Variants in AUTS2 observed in about 807,000 individuals in gnomAD.
The protein encoded by AUTS2 is autism susceptibility gene 2 protein.
Under a neutral mutation model 112.4 loss-of-function variants are expected in AUTS2, and 17 were observed. That is an observed-to-expected ratio of 0.15 (90% confidence interval 0.10 to 0.23). The LOEUF (loss-of-function observed/expected upper bound fraction) is 0.23, where lower values mean the gene tolerates loss of function less well. Among genes scored for constraint, AUTS2 ranks in the 10% least tolerant of loss-of-function variants. AUTS2 has a pLI of 1.00. For missense variants in AUTS2, 1,510 were observed against 1,701.6 expected (o/e 0.89, Z 1.98); for synonymous variants, 751 against 702.7 (o/e 1.07, Z -1.09).
intron 5 of AUTS2, among the ~76,000 whole-genome samples, chr7:70,641,699 G>T (rs1805840433): frequency 6.6e-6 from 1 of 152,034 alleles, no homozygotes; most frequent in Admixed American, 6.6e-5. Flanking sequence ...CACTATCCTG[G>T]CCTGCTCCCC....
rs777021720 is a variant in AUTS2 at position 70,435,826 on chromosome 7, T to G, written c.690+45T>G. 9.4e-6 allele frequency: 15 copies of G among 1,597,220 alleles called. No homozygotes were observed. The South Asian group carries it at 1.2e-4, about 13-fold the overall frequency. On this transcript the variant is annotated intron_variant, in intron 5 of 18. Coordinates refer to ENST00000342771, the MANE Select transcript of AUTS2 (RefSeq NM_015570.4). ...ATTGTGGGCACAGCACATAACACACTGAACACCAGAGTCCTCCCACACACA... is the reference window on the plus strand; with the variant it reads ...ATTGTGGGCACAGCACATAACACACGGAACACCAGAGTCCTCCCACACACA...
intron 5 of AUTS2, among the ~76,000 whole-genome samples, chr7:70,479,594 C>G (rs1265280357): frequency 6.6e-6 from 1 of 152,020 alleles, no homozygotes; most frequent in Non-Finnish European, 1.5e-5. Context: ...TTCCGTTCAC[C>G]AGCATGAATC....
At chr7:69,976,406 C>A (rs28864527) in intron 2 of AUTS2, among the ~76,000 whole-genome samples, 12,350 of 152,208 alleles carry the variant, frequency 0.081, 642 homozygotes, top group African/African-American at 0.14. Flanking sequence ...ATCCATTGGA[C>A]ATTTGAGTTG....
chr7:69,728,303 G>T (rs528476178), intron 1 of AUTS2, among the ~76,000 whole-genome samples: 5 of 152,278 alleles, frequency 3.3e-5, no homozygotes, highest in Middle Eastern at 3.4e-3. Context: ...CCCTAAACCT[G>T]CTGCAGTGCA....
chr7:69,643,064 A>C (rs896007641), intron 1 of AUTS2, among the ~76,000 whole-genome samples: 14 of 152,058 alleles, frequency 9.2e-5, no homozygotes, highest in African/African-American at 3.4e-4. Context: ...GGTGGAACTT[A>C]TTTCCTTGCA....
intron 1 of AUTS2, among the ~76,000 whole-genome samples, chr7:69,871,573 G>T (rs927068721): frequency 1.3e-5 from 2 of 152,170 alleles, no homozygotes; most frequent in Admixed American, 6.5e-5. Flanking sequence ...ATTAACCACA[G>T]TACTAAAAGC....
intron 1 of AUTS2, among the ~76,000 whole-genome samples, chr7:69,866,266 C>G (rs1793227686): frequency 6.6e-6 from 1 of 152,110 alleles, no homozygotes; most frequent in African/African-American, 2.4e-5. Flanking sequence ...TTAAGTAGTT[C>G]CCTCCCATAC....
At chr7:70,189,305 CTG>C (rs2129582541) in intron 4 of AUTS2, among the ~76,000 whole-genome samples, 1 of 152,258 alleles carries the variant, frequency 6.6e-6, no homozygotes, top group East Asian at 1.9e-4. Context: ...ACAGCAAGGA[CTG>C]TAGTTTTTTT....
intron 6 of AUTS2, among the ~76,000 whole-genome samples, chr7:70,731,673 C>G (rs550421042): frequency 2.2e-4 from 33 of 152,042 alleles, no homozygotes; most frequent in Middle Eastern, 3.4e-3. Flanking sequence ...TTGTGATCCA[C>G]CCACCTCGGC....
intron 4 of AUTS2, among the ~76,000 whole-genome samples, chr7:70,350,177 G>T (rs538227882): frequency 1.5e-4 from 23 of 152,312 alleles, no homozygotes; most frequent in African/African-American, 5.3e-4. Flanking sequence ...ATGAAGAGTG[G>T]ATGGAGTTAA....
chr7:70,465,932 C>G (rs1488956954), intron 5 of AUTS2, among the ~76,000 whole-genome samples: 1 of 152,060 alleles, frequency 6.6e-6, no homozygotes, highest in Non-Finnish European at 1.5e-5. Flanking sequence ...GAGCAGAGGT[C>G]AGGGAAGCAC....
At chr7:70,078,588 G>T (rs142904431) in intron 2 of AUTS2, among the ~76,000 whole-genome samples, 1 of 152,078 alleles carries the variant, frequency 6.6e-6, no homozygotes, top group African/African-American at 2.4e-5. Flanking sequence ...TTCATTTTCT[G>T]TGCCACTTTC....
intron 2 of AUTS2, among the ~76,000 whole-genome samples, chr7:70,002,549 G>A (rs1447399105): frequency 6.6e-6 from 1 of 152,010 alleles, no homozygotes; most frequent in African/African-American, 2.4e-5. Flanking sequence ...AACTCTTTTG[G>A]CAGTGGCGAA....
In AUTS2 at chr7:70,556,097, C is replaced by T. The variant is rs547147372; in HGVS notation, c.690+120316C>T. On this transcript the variant is annotated intron_variant, in intron 5 of 18. Coordinates refer to ENST00000342771, the MANE Select transcript of AUTS2 (RefSeq NM_015570.4). ...CTGGGATTACAGGCATGAGCCACCA[C>T]GCCTGGCCAAGAAGCTTCTAATCAT... is the stretch of plus-strand genomic sequence containing the variant. 7.9e-5 allele frequency among the ~76,000 whole-genome samples: 12 copies of T among 152,278 alleles called. No homozygotes were observed. In the South Asian group the frequency reaches 1.7e-3, roughly 21 times the overall value.
intron 4 of AUTS2, among the ~76,000 whole-genome samples, chr7:70,365,896 A>C (rs2129628779): frequency 6.6e-6 from 1 of 152,320 alleles, no homozygotes; most frequent in East Asian, 1.9e-4. Context: ...TTCATCCTTT[A>C]CTTACCATAA....
intron 1 of AUTS2, among the ~76,000 whole-genome samples, chr7:69,645,754 G>A (rs891115125): frequency 6.6e-6 from 1 of 152,086 alleles, no homozygotes; most frequent in Non-Finnish European, 1.5e-5. Flanking sequence ...GGGTTTGGAG[G>A]AGGGGAGGAG....
At chr7:70,401,468 A>G (rs1794324867) in intron 4 of AUTS2, among the ~76,000 whole-genome samples, 1 of 152,222 alleles carries the variant, frequency 6.6e-6, no homozygotes, top group Non-Finnish European at 1.5e-5. Flanking sequence ...AGCTGACCAC[A>G]GGACATGAAA....
At chr7:69,667,350 GTTTTT>G (rs58991076) in intron 1 of AUTS2, among the ~76,000 whole-genome samples, 2 of 134,430 alleles carry the variant, frequency 1.5e-5, no homozygotes, top group Non-Finnish European at 1.6e-5. Context: ...GTTTTGTTGT[GTTTTT>G]TTTTTTTTTT....
At chr7:70,252,410 A>G (rs553223094) in intron 4 of AUTS2, among the ~76,000 whole-genome samples, 96 of 152,142 alleles carry the variant, frequency 6.3e-4, no homozygotes, top group Non-Finnish European at 9.6e-4. Context: ...TTGGAGAAGT[A>G]TCTATTTAGG....
Sources: gnomAD v4.1 joint callset for allele counts (sites outside exome capture counted in the v4.1 genomes callset) on GRCh38, gnomAD v4.1.1 for gene constraint, MANE v1.5 for transcripts, NCBI Gene and HGNC (gene_info 2026-07-23, HGNC 2026-07-21) for gene names.